The following LARP1B variants were observed in gnomAD, a reference collection of about 807,000 sequenced individuals.
LARP1B encodes the protein la-related protein 1B.
In LARP1B, 76 loss-of-function variants were observed where a neutral mutation model predicts 114.2. The observed-to-expected ratio is 0.67, with a 90% confidence interval of 0.55 to 0.81. LARP1B has a LOEUF of 0.81. Among genes scored for constraint, LARP1B ranks in the 30% least tolerant of loss-of-function variants. The pLI, the probability that LARP1B is intolerant of heterozygous loss-of-function variation, is 0.00. For missense variants in LARP1B, 1,014 were observed against 1,075.8 expected, an observed-to-expected ratio of 0.94 and a Z score of 0.80; for synonymous variants, 345 against 348.0, an observed-to-expected ratio of 0.99 and a Z score of 0.10.
chr4:128,205,543 C>T (rs531826121), intron 17 of LARP1B, among the ~76,000 whole-genome samples: 8 of 152,230 alleles, frequency 5.3e-5, no homozygotes, highest in East Asian at 3.9e-4. Flanking sequence ...TTCTCATTTA[C>T]GTAGTGATTA....
At chr4:128,136,912 TTAA>T (rs1159632857) in intron 11 of LARP1B, among the ~76,000 whole-genome samples, 1 of 152,088 alleles carries the variant, frequency 6.6e-6, no homozygotes, top group Admixed American at 6.6e-5. Flanking sequence ...AAGCTAGTGA[TTAA>T]TAATAATAAT....
rs763459987 is a variant in LARP1B at position 128,098,215 on chromosome 4, A to G, written c.698A>G (p.Glu233Gly). ...IEYYFSVENL[E>G]RDFFLRGKMD... ...TATTACTTCAGTGTAGAAAATTTGG[A>G]ACGAGACTTCTTTCTTCGGGGAAAG... The change falls in exon 8 of 20, where the codon GAA (glutamate) becomes GGA (glycine). Residue 233 changes from glutamate (E) to glycine (G), a missense_variant. Physicochemically the swap from Glu to Gly is moderately conservative, Grantham distance 98. Coordinates refer to ENST00000326639, the MANE Select transcript of LARP1B (RefSeq NM_018078.4). 6.2e-7 allele frequency: 1 copy of G among 1,612,684 alleles called. No homozygotes were observed. The highest frequency in any genetic ancestry group is 1.1e-5 in the South Asian group (1 of 91,004).
At chr4:128,135,865 T>C (rs1793195918) in intron 11 of LARP1B, among the ~76,000 whole-genome samples, 1 of 152,158 alleles carries the variant, frequency 6.6e-6, no homozygotes, top group Admixed American at 6.6e-5. Context: ...TGTGAATATA[T>C]TTAACACTAC....
chr4:128,149,138 T>C lies in LARP1B; in HGVS notation c.1525-13056T>C, dbSNP rs574576364. 5.6e-4 allele frequency among the ~76,000 whole-genome samples: 86 copies of C among 152,320 alleles called. 1 individual carries two copies. Among genetic ancestry groups the C allele is most frequent in the African/African-American group, 2.0e-3 (85 of 41,584 alleles). On this transcript the variant is annotated intron_variant, in intron 11 of 19. Transcript: ENST00000326639. ...TTGATTACATCAATGCATACATTCA[T>C]TGAGTAGAATAGCAGTGGCATTGCT... is the stretch of plus-strand genomic sequence containing the variant.
intron 11 of LARP1B, chr4:128,156,323 C>A: frequency 1.5e-6 from 1 of 673,326 alleles, no homozygotes; most frequent in Non-Finnish European, 2.6e-6. Context: ...GCTTCTCCAT[C>A]CCTCTAATGA....
intron 1 of LARP1B, among the ~76,000 whole-genome samples, chr4:128,067,710 C>CTTTTTTT (rs66709998): frequency 1.4e-5 from 2 of 145,108 alleles, no homozygotes; most frequent in Non-Finnish European, 1.5e-5. Flanking sequence ...TGGATACCTC[C>CTTTTTTT]TTTTTTTTTT....
chr4:128,194,361 C>T (rs1402304614), intron 15 of LARP1B, among the ~76,000 whole-genome samples: 1 of 152,074 alleles, frequency 6.6e-6, no homozygotes, highest in South Asian at 2.1e-4. Context: ...TGTGAGTTAC[C>T]GCGCCCGGCC....
chr4:128,093,709 CTTTTTTT>C (rs561778078), intron 7 of LARP1B, among the ~76,000 whole-genome samples: 5,654 of 122,764 alleles, frequency 0.046, 369 homozygotes, highest in African/African-American at 0.15. Context: ...TTTTTTTAAA[CTTTTTTT>C]TTTTTTTTTT....
At chr4:128,155,510 T>A in intron 11 of LARP1B, 1 of 792,130 alleles carries the variant, frequency 1.3e-6, no homozygotes, top group South Asian at 1.3e-5. Flanking sequence ...GTGCCAAGGA[T>A]CAGCAACATG....
Position 128,114,624 on chromosome 4 carries a change from G to C in LARP1B, c.1043G>C (p.Ser348Thr). ...AGCCCATTGAGCCCAAAGAAAAACA[G>C]TGAAACAAGTATTCTTCAAGCAATG... ...IGSPLSPKKNSETSILQAMSR... is the reference protein window; with the variant it reads ...IGSPLSPKKNTETSILQAMSR... The change falls in exon 10 of 20, where the codon AGT (serine) becomes ACT (threonine). Residue 348 changes from serine to threonine, a missense_variant. Coordinates refer to ENST00000326639, the MANE Select transcript of LARP1B (RefSeq NM_018078.4). The C allele has an allele frequency of 6.2e-7, 1 of 1,613,844 alleles. No homozygotes were observed. Among genetic ancestry groups the C allele is most frequent in the Non-Finnish European group, 8.5e-7 (1 of 1,179,824 alleles).
intron 11 of LARP1B, among the ~76,000 whole-genome samples, chr4:128,127,007 C>G (rs570713350): frequency 2.6e-5 from 4 of 152,066 alleles, no homozygotes; most frequent in African/African-American, 9.7e-5. Context: ...AAAGAGATTA[C>G]TTTCAAGAAA....
At position 128,091,049 on chromosome 4, in the gene LARP1B, G is replaced by A. The variant is rs1238556165; in HGVS notation, c.407G>A (p.Ser136Asn). The A allele has an allele frequency of 6.2e-7, 1 of 1,613,762 alleles. No individual in the cohort carries two copies. Among genetic ancestry groups the A allele is most frequent in the South Asian group, 1.1e-5 (1 of 91,020 alleles). ...AGGGATGATCAAGATGACGTTTCCA[G>A]TGTGAGAAGTGAGGGTGGTAATATC... ...EKRDDQDDVS[S>N]VRSEGGNIRG... Residue 136 changes from serine to asparagine, a missense_variant, in exon 6 of 20, where the codon AGT (serine) becomes AAT (asparagine). Coordinates refer to ENST00000326639, the MANE Select transcript of LARP1B (RefSeq NM_018078.4).
chr4:128,185,043 T>C (rs1193940580), intron 15 of LARP1B, among the ~76,000 whole-genome samples: 2 of 152,086 alleles, frequency 1.3e-5, no homozygotes, highest in Non-Finnish European at 2.9e-5. Flanking sequence ...TACACATATA[T>C]ATACCCATAT....
At chr4:128,171,994 G>A (rs1743935965) in intron 12 of LARP1B, among the ~76,000 whole-genome samples, 1 of 151,740 alleles carries the variant, frequency 6.6e-6, no homozygotes, top group African/African-American at 2.4e-5. Flanking sequence ...GTTTATCCTG[G>A]ATGGGATTCT....
chr4:128,070,835 G>T (rs944691253), intron 1 of LARP1B, among the ~76,000 whole-genome samples: 20 of 151,382 alleles, frequency 1.3e-4, no homozygotes, highest in Admixed American at 6.6e-5. Flanking sequence ...TCCTAAATAT[G>T]GCTGACATAG....
chr4:128,094,074 AAAT>A (rs1776932491), intron 7 of LARP1B, among the ~76,000 whole-genome samples: 1 of 151,344 alleles, frequency 6.6e-6, no homozygotes, highest in Non-Finnish European at 1.5e-5. Flanking sequence ...AACTTTTTAA[AAAT>A]TTTTTTGAGA....
chr4:128,167,552 G>A (rs1287671143), intron 12 of LARP1B, among the ~76,000 whole-genome samples: 1 of 151,970 alleles, frequency 6.6e-6, no homozygotes, highest in African/African-American at 2.4e-5. Flanking sequence ...CCTTTGCTGT[G>A]CAGAAGCAGC....
At chr4:128,117,719 T>C (rs140699812) in intron 10 of LARP1B, among the ~76,000 whole-genome samples, 8 of 147,598 alleles carry the variant, frequency 5.4e-5, no homozygotes, top group Admixed American at 1.3e-4. Flanking sequence ...GTGGTTTCAC[T>C]ATGTTGGCCA....
At chr4:128,099,908 T>G (rs1448752597) in intron 8 of LARP1B, among the ~76,000 whole-genome samples, 1 of 152,126 alleles carries the variant, frequency 6.6e-6, no homozygotes, top group African/African-American at 2.4e-5. Context: ...GCATATATTG[T>G]CAGTTTTTTG....
Sources: allele counts gnomAD v4.1 joint callset (sites outside exome capture counted in the v4.1 genomes callset), GRCh38; gene constraint gnomAD v4.1.1; transcripts MANE v1.5; gene names NCBI Gene and HGNC (gene_info 2026-07-23, HGNC 2026-07-21).